Variants in CLVS1 observed in about 807,000 individuals in gnomAD.
CLVS1 encodes the protein clavesin-1.
A neutral mutation model predicts 33.1 loss-of-function variants in CLVS1; 10 were observed. The observed-to-expected ratio is 0.30, with a 90% confidence interval of 0.19 to 0.51. The LOEUF is 0.51. Ranked by LOEUF, CLVS1 falls within the 20% of genes least tolerant of loss-of-function variation. The pLI, the probability that CLVS1 is intolerant of heterozygous loss-of-function variation, is 0.97. For synonymous variants in CLVS1, 163 were observed against 166.1 expected, an observed-to-expected ratio of 0.98 and a Z score of 0.14; for missense variants, 343 against 433.4, an observed-to-expected ratio of 0.79 and a Z score of 1.85.
chr8:61,356,596 G>A (rs1209538088), intron 2 of CLVS1, among the ~76,000 whole-genome samples: 2 of 151,892 alleles, frequency 1.3e-5, no homozygotes, highest in Non-Finnish European at 1.5e-5. Flanking sequence ...TTTGTATAAG[G>A]TGTAAGGAAG....
intron 1 of CLVS1, among the ~76,000 whole-genome samples, chr8:61,062,353 G>A (rs1804597153): frequency 6.6e-6 from 1 of 152,198 alleles, no homozygotes; most frequent in South Asian, 2.1e-4. Flanking sequence ...CCCAAAGCCA[G>A]GCGTAGAGAC....
chr8:61,280,225 T>C (rs1809643035), intron 2 of CLVS1, among the ~76,000 whole-genome samples: 1 of 152,232 alleles, frequency 6.6e-6, no homozygotes, highest in Non-Finnish European at 1.5e-5. Context: ...TATTTGGTAT[T>C]GATGAGTTAT....
At chr8:61,246,573 T>C (rs187126607) in intron 2 of CLVS1, among the ~76,000 whole-genome samples, 5 of 152,270 alleles carry the variant, frequency 3.3e-5, no homozygotes, top group African/African-American at 9.6e-5. Context: ...CTTAGACTTA[T>C]CCATATATTT....
At chr8:61,031,459 C>G in the CLVS1 span, among the ~76,000 whole-genome samples, 1 of 152,194 alleles carries the variant, frequency 6.6e-6, no homozygotes. Context: ...AAGACTCAAC[C>G]AGAGCAAAAT....
the CLVS1 span, among the ~76,000 whole-genome samples, chr8:60,990,879 A>G: frequency 2.6e-5 from 4 of 151,628 alleles, no homozygotes; most frequent in Admixed American, 2.0e-4. Context: ...TGGCTAATTT[A>G]TTTTTGCATT....
the CLVS1 span, among the ~76,000 whole-genome samples, chr8:60,990,040 G>A: frequency 3.4e-5 from 5 of 147,126 alleles, no homozygotes; most frequent in East Asian, 2.1e-4. Flanking sequence ...CAGGAGAATC[G>A]CTTGAACCCA....
chr8:61,283,985 TGTAA>T (rs549969877), upstream of CLVS1, among the ~76,000 whole-genome samples: 36 of 152,218 alleles, frequency 2.4e-4, 1 homozygote, highest in South Asian at 5.8e-3. Context: ...TCGGCCTAAG[TGTAA>T]GTGTTTTTAA....
chr8:61,496,834 C>T lies in CLVS1; in HGVS notation c.978-2621C>T, dbSNP rs377489572. On this transcript the variant is annotated intron_variant, in intron 5 of 5. Transcript: ENST00000325897. ...AGGAACACTCGATGTTTTAGCTAAA[C>T]GCTTCTGTGGCCTTTGGTATACCCA... Among the ~76,000 whole-genome samples the T allele has an allele frequency of 5.3e-5, 8 of 152,292 alleles. No homozygotes were observed. The East Asian group carries it at 5.8e-4, about 11-fold the overall frequency.
intron 5 of CLVS1, among the ~76,000 whole-genome samples, chr8:61,459,280 A>G (rs954560490): frequency 6.6e-6 from 1 of 152,214 alleles, no homozygotes; most frequent in Non-Finnish European, 1.5e-5. Flanking sequence ...GGAGTGCCAT[A>G]AAAGAGGGAT....
chr8:61,474,016 G>C (rs901073597), intron 5 of CLVS1, among the ~76,000 whole-genome samples: 2 of 152,100 alleles, frequency 1.3e-5, no homozygotes, highest in African/African-American at 2.4e-5. Context: ...GGAACTCAAA[G>C]GCATAAAGAG....
At chr8:61,495,681 A>C (rs1804243454) in intron 5 of CLVS1, among the ~76,000 whole-genome samples, 1 of 152,216 alleles carries the variant, frequency 6.6e-6, no homozygotes. Context: ...AGCATGTGTA[A>C]ATACAGCCAG....
chr8:61,004,157 G>C, the CLVS1 span, among the ~76,000 whole-genome samples: 1 of 152,246 alleles, frequency 6.6e-6, no homozygotes, highest in Non-Finnish European at 1.5e-5. Context: ...AGGTGCTTAT[G>C]TGGATTAAAT....
chr8:61,220,546 G>A (rs1808185801), intron 2 of CLVS1, among the ~76,000 whole-genome samples: 1 of 151,478 alleles, frequency 6.6e-6, no homozygotes, highest in African/African-American at 2.4e-5. Flanking sequence ...GTACCATGCT[G>A]TTTTGATTAC....
intron 2 of CLVS1, among the ~76,000 whole-genome samples, chr8:61,303,662 C>T (rs980480295): frequency 2.6e-5 from 4 of 152,118 alleles, no homozygotes; most frequent in African/African-American, 7.2e-5. Flanking sequence ...AACAAGCCTC[C>T]GTTTGAATTT....
intron 2 of CLVS1, among the ~76,000 whole-genome samples, chr8:61,232,399 C>T (rs1808467314): frequency 6.6e-6 from 1 of 152,068 alleles, no homozygotes; most frequent in South Asian, 2.1e-4. Context: ...TAGCTACATG[C>T]AAGAGGTCTG....
chr8:61,033,571 C>T, the CLVS1 span, among the ~76,000 whole-genome samples: 1 of 152,190 alleles, frequency 6.6e-6, no homozygotes, highest in Non-Finnish European at 1.5e-5. Context: ...TGTGGGTGGG[C>T]CCTTTCTCAC....
the CLVS1 span, among the ~76,000 whole-genome samples, chr8:60,999,281 G>A: frequency 1.3e-5 from 2 of 152,224 alleles, no homozygotes; most frequent in East Asian, 1.9e-4. Flanking sequence ...AAGAGAAGAG[G>A]AAGCGACCTG....
chr8:61,025,509 T>G, the CLVS1 span, among the ~76,000 whole-genome samples: 3 of 152,204 alleles, frequency 2.0e-5, no homozygotes, highest in Non-Finnish European at 4.4e-5. Context: ...CAGAGAGCCT[T>G]CCTCCTTGTT....
chr8:61,151,647 T>C (rs1284325593), intron 2 of CLVS1, among the ~76,000 whole-genome samples: 2 of 152,132 alleles, frequency 1.3e-5, no homozygotes, highest in African/African-American at 2.4e-5. Flanking sequence ...CAGGTGTGCC[T>C]TTCACAGGGG....
Sources: gnomAD v4.1 joint callset for allele counts (sites outside exome capture counted in the v4.1 genomes callset) on GRCh38, gnomAD v4.1.1 for gene constraint, MANE v1.5 for transcripts, NCBI Gene and HGNC (gene_info 2026-07-23, HGNC 2026-07-21) for gene names.